Variants in GIMD1 observed in about 807,000 individuals in gnomAD.
GIMD1 encodes GTPase IMAP family member GIMD1.
A neutral mutation model predicts 14.9 loss-of-function variants in GIMD1; 14 were observed. The observed-to-expected ratio is 0.94, with a 90% CI of 0.62 to 1.47. The LOEUF is 1.47. Ranked by LOEUF, GIMD1 falls within the 40% of genes most tolerant of loss-of-function variation. The probability of loss-of-function intolerance (pLI) is 0.00; values close to 1 mark genes in which losing one functional copy is unlikely to be tolerated. For synonymous variants in GIMD1, 91 were observed against 90.5 expected (o/e 1.01, Z -0.03); for missense variants, 272 against 255.3 (o/e 1.07, Z -0.44).
chr4:106,358,052 G>T lies in GIMD1; in HGVS notation c.*131C>A. The T allele has an allele frequency of 3.3e-6, 2 of 608,152 alleles. No homozygotes were observed. Among genetic ancestry groups the T allele is most frequent in the South Asian group, 2.4e-5 (1 of 42,490 alleles). 37.7% of individuals were successfully genotyped at this position (608,152 alleles called of 1,614,324 possible). On this transcript the variant is annotated 3_prime_UTR_variant, in exon 3 of 3. Transcript: ENST00000638719. Reference sequence around the variant, plus strand: ...TTTTAACTTCTAGTTTTCCAAAGTGGTTATACCAATGTACACTCTCACCAG... The same window carrying T: ...TTTTAACTTCTAGTTTTCCAAAGTGTTTATACCAATGTACACTCTCACCAG...
chr4:106,360,989 A>C (rs1156800675), intron 2 of GIMD1, among the ~76,000 whole-genome samples: 1 of 152,122 alleles, frequency 6.6e-6, no homozygotes, highest in Non-Finnish European at 1.5e-5. Context: ...TAAAGTACTA[A>C]GTATATTAGA....
intron 2 of GIMD1, among the ~76,000 whole-genome samples, chr4:106,366,708 A>AT (rs1770704037): frequency 1.3e-5 from 2 of 152,112 alleles, no homozygotes; most frequent in South Asian, 2.1e-4. Context: ...CAGGGACAAC[A>AT]TGTTACAAAC....
intron 2 of GIMD1, among the ~76,000 whole-genome samples, chr4:106,362,218 C>T (rs1176659691): frequency 6.6e-6 from 1 of 152,070 alleles, no homozygotes; most frequent in Non-Finnish European, 1.5e-5. Flanking sequence ...CTGCCAAAAA[C>T]AGAAGAGAGT....
At chr4:106,363,886 G>T (rs143442296) in intron 2 of GIMD1, among the ~76,000 whole-genome samples, 23 of 123,580 alleles carry the variant, frequency 1.9e-4, no homozygotes, top group South Asian at 6.2e-4. Flanking sequence ...ACCATAATGG[G>T]GGGGGGGGGG....
rs1388889644 is a variant in GIMD1 at position 106,357,598 on chromosome 4, C to T, written c.*585G>A. On this transcript the variant is annotated 3_prime_UTR_variant, in exon 3 of 3. Coordinates refer to ENST00000638719, the MANE Select transcript of GIMD1 (RefSeq NM_001195138.2). ...AACCTTTCACTCACAATCTCCTCCC[C>T]AAGGTTAACCACTCTCCCAATTTCC... The T allele has an allele frequency of 6.6e-6, 1 of 152,030 alleles. No individual in the cohort carries two copies. Among genetic ancestry groups the T allele is most frequent in the East Asian group, 1.9e-4 (1 of 5,168 alleles). 9.4% of individuals were successfully genotyped at this position (152,030 alleles called of 1,614,324 possible).
rs1263709155 is a variant in GIMD1 at position 106,358,417 on chromosome 4, A to G, written c.420T>C (p.Asn140=). The G allele has an allele frequency of 2.6e-6, 4 of 1,522,826 alleles. No individual in the cohort carries two copies. In the South Asian group the frequency reaches 3.7e-5, roughly 14 times the overall value. 94.3% of individuals were successfully genotyped at this position (1,522,826 alleles called of 1,614,324 possible). The change falls in exon 3 of 3, where the codon AAT becomes AAC. Residue 140 remains asparagine, a synonymous_variant. Coordinates refer to ENST00000638719, the MANE Select transcript of GIMD1 (RefSeq NM_001195138.2). The stretch of plus-strand genomic sequence containing the variant: ...CATGGGTAAAAAGAATGGCTGTGTA[A>G]TTCATCCAAGCATGTCCAAGAAGTT... ...IQELLGHAWM[N]YTAILFTHAE... is the part of the protein sequence containing the mutation.
rs1309103000 is a variant in GIMD1 at position 106,358,056 on chromosome 4, T to A, written c.*127A>T. On this transcript the variant is annotated 3_prime_UTR_variant, in exon 3 of 3. Coordinates refer to ENST00000638719, the MANE Select transcript of GIMD1 (RefSeq NM_001195138.2). ...AACTTCTAGTTTTCCAAAGTGGTTATACCAATGTACACTCTCACCAGCAGC... is the reference window on the plus strand; with the variant it reads ...AACTTCTAGTTTTCCAAAGTGGTTAAACCAATGTACACTCTCACCAGCAGC... 2 of 622,912 alleles carry A rather than the reference T, an allele frequency of 3.2e-6. No individual in the cohort carries two copies. The highest frequency in any genetic ancestry group is 2.9e-5 in the East Asian group (1 of 34,790). 38.6% of individuals were successfully genotyped at this position (622,912 alleles called of 1,614,324 possible). A position where few individuals can be genotyped will look rare whatever the true frequency, so the allele number is the denominator to read the frequency against.
chr4:106,367,462 C>T lies in GIMD1; in HGVS notation c.-2-25G>A, dbSNP rs774701413. On this transcript the variant is annotated intron_variant, in intron 1 of 2. Transcript: ENST00000638719. ...GCTGTAGGAAAACAAAGGCATAGCA[C>T]GCATAATTAGGCTTCTACATTCCCC... 90 of 1,496,724 alleles carry T rather than the reference C, an allele frequency of 6.0e-5. No individual in the cohort carries two copies. In the South Asian group the frequency reaches 6.9e-4, roughly 11 times the overall value. The allele number at this position is 1,496,724 out of a possible 1,614,324, so 92.7% of individuals were successfully genotyped here.
chr4:106,363,161 T>C (rs557158443), intron 2 of GIMD1, among the ~76,000 whole-genome samples: 3 of 152,260 alleles, frequency 2.0e-5, no homozygotes, highest in African/African-American at 4.8e-5. Context: ...AAACACTATT[T>C]CCTAATTTTA....
At chr4:106,358,485 T>A in intron 2 of GIMD1, 42 bp from the exon 3 acceptor site, 1 of 1,433,212 alleles carries the variant, frequency 7.0e-7, no homozygotes, top group South Asian at 1.4e-5. Context: ...TTGAACTATA[T>A]TCCTCAAAAA....
intron 2 of GIMD1, among the ~76,000 whole-genome samples, chr4:106,360,163 T>G (rs1770593179): frequency 6.6e-6 from 1 of 151,974 alleles, no homozygotes; most frequent in Non-Finnish European, 1.5e-5. Context: ...TTGCAGTTTA[T>G]CATCATGAAT....
Position 106,358,257 on chromosome 4 carries a change from G to A in GIMD1, c.580C>T (p.Gln194Ter). Residue 194 changes from glutamine to a stop codon, truncating the protein, a stop_gained, in exon 3 of 3, where the codon CAA becomes TAA. Transcript: ENST00000638719. LOFTEE classifies it high-confidence loss of function. ...QYKKGKSLNE[Q>*]RMKILERIME... ...ATTCTTTCTAAGATTTTCATTCTTT[G>A]TTCATTGAGTGATTTTCCTTTTTTG... The A allele has an allele frequency of 6.6e-7, 1 of 1,523,538 alleles. No homozygotes were observed. Among genetic ancestry groups the A allele is most frequent in the Non-Finnish European group, 8.8e-7 (1 of 1,138,254 alleles). 94.4% of individuals were successfully genotyped at this position (1,523,538 alleles called of 1,614,324 possible). A position where few individuals can be genotyped will look rare whatever the true frequency, so the allele number is the denominator to read the frequency against.
At chr4:106,358,993 CTG>C (rs1770576340) in intron 2 of GIMD1, among the ~76,000 whole-genome samples, 1 of 151,946 alleles carries the variant, frequency 6.6e-6, no homozygotes, top group Non-Finnish European at 1.5e-5. Flanking sequence ...AATATTATAA[CTG>C]TGAGTCTCAT....
intron 2 of GIMD1, among the ~76,000 whole-genome samples, chr4:106,361,838 T>C: frequency 6.6e-6 from 1 of 152,268 alleles, no homozygotes; most frequent in East Asian, 1.9e-4. Context: ...CTACAATAAA[T>C]GTGCATGCTA....
rs1369176143 is a variant in GIMD1, at chr4:106,367,265, G to A, written c.171C>T (p.Ser57=). The change falls in exon 2 of 3, where the codon AGC becomes AGT. Residue 57 remains serine, a synonymous_variant. Transcript: ENST00000638719. ...CCTCTAGCCCACCTCGACGCATGAA[G>A]CTGTGGAGGTGACAACTGCGGCCCA... The part of the protein sequence containing the change: ...CSLGRSCHLH[S]FMRRGGLEVA... 7.8e-6 allele frequency: 12 copies of A among 1,535,712 alleles called. No individual in the cohort carries two copies. The highest frequency in any genetic ancestry group is 1.0e-5 in the Non-Finnish European group (12 of 1,146,706).
intron 2 of GIMD1, among the ~76,000 whole-genome samples, chr4:106,361,700 T>C (rs950207403): frequency 2.6e-5 from 4 of 152,078 alleles, no homozygotes; most frequent in African/African-American, 9.7e-5. Flanking sequence ...TTGAGAGCCA[T>C]CCTAAACTTA....
intron 2 of GIMD1, among the ~76,000 whole-genome samples, chr4:106,360,318 G>T (rs1191648222): frequency 2.0e-5 from 3 of 151,806 alleles, no homozygotes; most frequent in Non-Finnish European, 4.4e-5. Flanking sequence ...AAAATACCCT[G>T]CTTAAAGTTT....
At chr4:106,362,237 T>C (rs1770623447) in intron 2 of GIMD1, among the ~76,000 whole-genome samples, 1 of 152,274 alleles carries the variant, frequency 6.6e-6, no homozygotes, top group South Asian at 2.1e-4. Flanking sequence ...GTGGTTGATT[T>C]AGCTTAAAAT....
chr4:106,362,057 G>A (rs533242969), intron 2 of GIMD1, among the ~76,000 whole-genome samples: 2 of 152,160 alleles, frequency 1.3e-5, no homozygotes, highest in South Asian at 2.1e-4. Flanking sequence ...CTCATTCAGA[G>A]AACGTGAGTT....
Sources: gnomAD v4.1 joint callset for allele counts (sites outside exome capture counted in the v4.1 genomes callset) on GRCh38, gnomAD v4.1.1 for gene constraint, MANE v1.5 for transcripts, NCBI Gene and HGNC (gene_info 2026-07-23, HGNC 2026-07-21) for gene names.